Variants in SYNRG observed in about 807,000 individuals in gnomAD.
SYNRG encodes AP1 gamma subunit binding protein 1.
Under a neutral mutation model 130.9 loss-of-function variants are expected in SYNRG, and 37 were observed. That is an observed-to-expected ratio of 0.28 (90% CI 0.22 to 0.37). SYNRG has a LOEUF of 0.37. Ranked by LOEUF, SYNRG falls within the 10% of genes least tolerant of loss-of-function variation. The probability of loss-of-function intolerance (pLI) is 1.00; values close to 1 mark genes in which losing one functional copy is unlikely to be tolerated. For missense variants in SYNRG, 1,338 were observed against 1,588.9 expected (o/e 0.84, Z 2.68); for synonymous variants, 539 against 568.1 (o/e 0.95, Z 0.73).
intron 11 of SYNRG, among the ~76,000 whole-genome samples, chr17:37,563,667 G>A (rs1443430887): frequency 6.6e-6 from 1 of 151,724 alleles, no homozygotes; most frequent in African/African-American, 2.4e-5. Context: ...AGGTGGGACA[G>A]CTGGTACTAC....
In SYNRG at chr17:37,529,900, A is replaced by G. The variant is rs888113978; in HGVS notation, c.3666+6079T>C. ...TGATTTGGGGGTTGTATAGAAATCT[A>G]GTTTTCAAGTGTTAACTGCAGTAAG... On this transcript the variant is annotated intron_variant, in intron 19 of 21. Coordinates refer to ENST00000612223, the MANE Select transcript of SYNRG (RefSeq NM_007247.6). 7.9e-6 allele frequency: 12 copies of G among 1,523,528 alleles called. No homozygotes were observed. The African/African-American group carries it at 1.7e-4, about 21-fold the overall frequency. The allele number at this position is 1,523,528 out of a possible 1,614,324, so 94.4% of individuals were successfully genotyped here. A position where few individuals can be genotyped will look rare whatever the true frequency, so the allele number is the denominator to read the frequency against.
chr17:37,524,784 C>T (rs1009914326), intron 19 of SYNRG, among the ~76,000 whole-genome samples: 8 of 152,176 alleles, frequency 5.3e-5, no homozygotes, highest in African/African-American at 1.7e-4. Flanking sequence ...ATATGATGAT[C>T]ACAATTATTC....
chr17:37,593,139 G>A (rs1246194865), intron 3 of SYNRG, among the ~76,000 whole-genome samples: 9 of 152,206 alleles, frequency 5.9e-5, no homozygotes, highest in South Asian at 4.2e-4. Flanking sequence ...TCTGGCCGGC[G>A]CGATGGCTCA....
chr17:37,579,224 C>T, intron 6 of SYNRG: 3 of 1,273,746 alleles, frequency 2.4e-6, no homozygotes, highest in Non-Finnish European at 3.1e-6. Context: ...TGGACTCTGA[C>T]TTGGAGGGAG....
At chr17:37,598,085 C>T (rs2062934618) in intron 2 of SYNRG, among the ~76,000 whole-genome samples, 1 of 152,294 alleles carries the variant, frequency 6.6e-6, no homozygotes, top group South Asian at 2.1e-4. Context: ...GTATTAGGCA[C>T]TGTTCTAGGG....
intron 10 of SYNRG, among the ~76,000 whole-genome samples, chr17:37,569,924 G>A (rs181254699): frequency 1.5e-3 from 222 of 152,162 alleles, no homozygotes; most frequent in Non-Finnish European, 2.7e-3. Context: ...AGTACATGTA[G>A]ATCTATCTCA....
At chr17:37,595,623 G>A (rs1051662673) in intron 3 of SYNRG, among the ~76,000 whole-genome samples, 6 of 151,960 alleles carry the variant, frequency 3.9e-5, no homozygotes, top group African/African-American at 4.8e-5. Flanking sequence ...ACCTACAAAC[G>A]TGCCCCCTGA....
chr17:37,580,863 T>G (rs2061274607), intron 6 of SYNRG, among the ~76,000 whole-genome samples: 1 of 151,778 alleles, frequency 6.6e-6, no homozygotes, highest in Admixed American at 6.6e-5. Flanking sequence ...GAGACGGGGG[T>G]TTCTCCATAT....
At chr17:37,570,564 G>A in intron 10 of SYNRG, 73 bp downstream of exon 10, 1 of 1,528,472 alleles carries the variant, frequency 6.5e-7, no homozygotes, top group South Asian at 1.3e-5. Context: ...CCTACTCTAT[G>A]TATCCCCGGA....
intron 13 of SYNRG, among the ~76,000 whole-genome samples, chr17:37,556,440 A>G (rs1250032835): frequency 6.6e-6 from 1 of 152,126 alleles, no homozygotes; most frequent in East Asian, 1.9e-4. Flanking sequence ...AACAAGAGCA[A>G]AACTCCGTAT....
At chr17:37,568,225 A>G (rs1270019651) in intron 11 of SYNRG, 2 of 152,274 alleles carry the variant, frequency 1.3e-5, no homozygotes, top group African/African-American at 4.8e-5. Context: ...AAACATGCTG[A>G]CAACATACTG....
chr17:37,562,151 G>C (rs555452498), intron 11 of SYNRG, among the ~76,000 whole-genome samples: 16 of 152,322 alleles, frequency 1.1e-4, no homozygotes, highest in Middle Eastern at 3.4e-3. Context: ...ACTGCCTACT[G>C]GCAGAAGTGC....
Position 37,553,614 on chromosome 17 carries a change from T to A in SYNRG, c.2109A>T (p.Ser703=). Residue 703 remains serine (S), a synonymous_variant, in exon 14 of 22, where the codon TCA becomes TCT. Transcript: ENST00000612223. The part of the protein sequence containing the change: ...DFMAFSNSSI[S]SEQKPDDKYD... ...ATTTGTCATCCGGCTTTTGCTCAGA[T>A]GAAATAGAGCTATTACTGAAAGCCA... 6.2e-7 allele frequency: 1 copy of A among 1,614,080 alleles called. No individual in the cohort carries two copies. Among genetic ancestry groups the A allele is most frequent in the East Asian group, 2.2e-5 (1 of 44,886 alleles).
chr17:37,573,611 G>GA (rs367851501), intron 8 of SYNRG, among the ~76,000 whole-genome samples: 238 of 152,218 alleles, frequency 1.6e-3, no homozygotes, highest in African/African-American at 5.6e-3. Flanking sequence ...CAGGCATTTG[G>GA]AAGAAAAGCC....
chr17:37,540,611 T>C, intron 15 of SYNRG, 68 bp from the exon 16 acceptor site: 1 of 1,215,294 alleles, frequency 8.2e-7, no homozygotes, highest in Non-Finnish European at 1.2e-6. Flanking sequence ...AGGCTCTTCC[T>C]CGCTACCACA....
intron 16 of SYNRG, 92 bp downstream of exon 16, chr17:37,540,288 T>C: frequency 6.9e-7 from 1 of 1,454,868 alleles, no homozygotes; most frequent in South Asian, 1.3e-5. Flanking sequence ...TGCCCCTCAT[T>C]TTCCCCATGT....
intron 13 of SYNRG, among the ~76,000 whole-genome samples, chr17:37,555,496 C>T (rs760366900): frequency 3.3e-5 from 5 of 152,166 alleles, no homozygotes; most frequent in Non-Finnish European, 5.9e-5. Flanking sequence ...CACTCAGGTA[C>T]AGCATCAGGA....
chr17:37,583,268 G>A (rs1226720585), intron 6 of SYNRG, among the ~76,000 whole-genome samples: 2 of 152,102 alleles, frequency 1.3e-5, no homozygotes, highest in Admixed American at 1.3e-4. Context: ...TCTAGTTTTA[G>A]TATTAACTTC....
chr17:37,529,016 T>C (rs542517946), intron 19 of SYNRG, among the ~76,000 whole-genome samples: 1 of 152,354 alleles, frequency 6.6e-6, no homozygotes, highest in African/African-American at 2.4e-5. Context: ...TACATTCCTG[T>C]GTTGTCAAGT....
Sources: gnomAD v4.1 joint callset for allele counts (sites outside exome capture counted in the v4.1 genomes callset) on GRCh38, gnomAD v4.1.1 for gene constraint, MANE v1.5 for transcripts, NCBI Gene and HGNC (gene_info 2026-07-23, HGNC 2026-07-21) for gene names.